The following EPB41L1 variants were observed in gnomAD, a reference collection of about 807,000 sequenced individuals.
EPB41L1 encodes the protein erythrocyte membrane protein band 4.1 like 1.
A neutral mutation model predicts 97.8 loss-of-function variants in EPB41L1; 29 were observed. That is an observed-to-expected ratio of 0.30 (90% CI 0.22 to 0.40). The LOEUF (loss-of-function observed/expected upper bound fraction) is 0.40. Ranked by LOEUF, EPB41L1 falls within the 10% of genes least tolerant of loss-of-function variation. The pLI is 1.00. For synonymous variants in EPB41L1, 383 were observed against 459.2 expected, an observed-to-expected ratio of 0.83 and a Z score of 2.12; for missense variants, 812 against 1,162.3, an observed-to-expected ratio of 0.70 and a Z score of 4.38.
intron 1 of EPB41L1, among the ~76,000 whole-genome samples, chr20:36,170,222 A>G (rs1241221144): frequency 2.0e-5 from 3 of 152,178 alleles, no homozygotes; most frequent in Non-Finnish European, 2.9e-5. Context: ...TCATACTGCC[A>G]TACCAAGCCA....
intron 3 of EPB41L1, among the ~76,000 whole-genome samples, chr20:36,177,060 G>A (rs929788492): frequency 3.3e-5 from 5 of 152,138 alleles, no homozygotes; most frequent in Non-Finnish European, 7.4e-5. Context: ...TCCTAGAAGT[G>A]CACAAAGCAT....
intron 2 of EPB41L1, among the ~76,000 whole-genome samples, chr20:36,138,922 C>T (rs893077019): frequency 1.3e-5 from 2 of 151,988 alleles, no homozygotes; most frequent in African/African-American, 4.8e-5. Context: ...TTCACTCTCT[C>T]TGGAAACTTT....
At chr20:36,144,615 G>A (rs941564028) in intron 2 of EPB41L1, among the ~76,000 whole-genome samples, 2 of 152,198 alleles carry the variant, frequency 1.3e-5, no homozygotes, top group African/African-American at 4.8e-5. Flanking sequence ...TGTGGGAAAG[G>A]AACTGACCCT....
chr20:36,129,769 A>T (rs1223516515), intron 2 of EPB41L1, among the ~76,000 whole-genome samples: 1 of 152,006 alleles, frequency 6.6e-6, no homozygotes, highest in Non-Finnish European at 1.5e-5. Flanking sequence ...TTATTCATTT[A>T]TTTTAAAAAT....
intron 8 of EPB41L1, 140 bp downstream of exon 8, chr20:36,187,903 A>G: frequency 2.6e-6 from 2 of 755,766 alleles, no homozygotes; most frequent in Non-Finnish European, 2.3e-6. Context: ...TCATTTCTCG[A>G]AGTTCCATAA....
chr20:36,109,247 G>A (rs2058309016), intron 1 of EPB41L1, among the ~76,000 whole-genome samples: 2 of 152,038 alleles, frequency 1.3e-5, no homozygotes, highest in Non-Finnish European at 2.9e-5. Context: ...GCACCCGGCC[G>A]AGTTCAGGGC....
Position 36,144,100 on chromosome 20 carries a change from G to A in EPB41L1, c.-9-31451G>A, listed in dbSNP as rs1305883195. Among the ~76,000 whole-genome samples, 7 of 152,178 alleles carry A rather than the reference G, an allele frequency of 4.6e-5. No individual in the cohort carries two copies. The East Asian group carries it at 5.8e-4, about 13-fold the overall frequency. On this transcript the variant is annotated intron_variant, in intron 2 of 19. Coordinates refer to the EPB41L1 transcript ENST00000202028. ...ACTCCTGACCTCAGGTGATCTGCCCGCCTCGGCCTCCCAGAGTGTAAGAAT... is the reference window on the plus strand; with the variant it reads ...ACTCCTGACCTCAGGTGATCTGCCCACCTCGGCCTCCCAGAGTGTAAGAAT...
At chr20:36,120,720 A>T (rs2058724508) in intron 2 of EPB41L1, among the ~76,000 whole-genome samples, 1 of 152,070 alleles carries the variant, frequency 6.6e-6, no homozygotes, top group African/African-American at 2.4e-5. Flanking sequence ...TTTTATTAAA[A>T]ACTCCAATTT....
intron 2 of EPB41L1, among the ~76,000 whole-genome samples, chr20:36,127,602 CTG>C (rs2059023484): frequency 6.6e-6 from 1 of 152,172 alleles, no homozygotes; most frequent in South Asian, 2.1e-4. Context: ...ATCAGGAAAA[CTG>C]TATACCAATC....
At chr20:36,133,014 AG>A (rs1468717107) in intron 2 of EPB41L1, among the ~76,000 whole-genome samples, 4 of 152,256 alleles carry the variant, frequency 2.6e-5, no homozygotes, top group Non-Finnish European at 5.9e-5. Context: ...CTCTTGAAAA[AG>A]GTCCTTTCTG....
chr20:36,149,265 T>C (rs1052231069), intron 2 of EPB41L1, among the ~76,000 whole-genome samples: 1 of 152,122 alleles, frequency 6.6e-6, no homozygotes, highest in African/African-American at 2.4e-5. Context: ...TTGCCAGAGG[T>C]GAACATTGCC....
rs1181183790 is a variant in EPB41L1 at position 36,185,144 on chromosome 20, A to G, written c.594A>G (p.Ala198=). The G allele has an allele frequency of 6.2e-7, 1 of 1,612,654 alleles. No homozygotes were observed. The highest frequency in any genetic ancestry group is 1.1e-5 in the South Asian group (1 of 91,016). Residue 198 remains alanine (A), a synonymous_variant, in exon 7 of 22, where the codon GCA becomes GCG. Coordinates refer to ENST00000338074, the MANE Select transcript of EPB41L1 (RefSeq NM_012156.2). ...TRYYLCLQLR[A]DIITGRLPCS... ...ACTACCTGTGCCTGCAGCTGCGGGC[A>G]GACATCATCACGGGCCGGCTGCCAT...
In EPB41L1 at chr20:36,173,823, G is replaced by T; in HGVS notation, c.46G>T (p.Glu16Ter). 1.9e-6 allele frequency: 3 copies of T among 1,614,122 alleles called. No individual in the cohort carries two copies. Among genetic ancestry groups the T allele is most frequent in the Non-Finnish European group, 2.5e-6 (3 of 1,180,006 alleles). The change falls in exon 2 of 22, where the codon GAG becomes TAG. Residue 16 changes from glutamate to a stop codon, truncating the protein, a stop_gained. Coordinates refer to ENST00000338074, the MANE Select transcript of EPB41L1 (RefSeq NM_012156.2). LOFTEE classifies it high-confidence loss of function. ...GPDSEVKKAQEEAPQQPEAAA... is the reference protein window; with the variant it reads ...GPDSEVKKAQ ...CGACTCTGAGGTGAAGAAAGCTCAG[G>T]AGGAGGCCCCGCAGCAGCCCGAGGC...
chr20:36,125,347 C>G, intron 2 of EPB41L1: 1 of 681,760 alleles, frequency 1.5e-6, no homozygotes, highest in Non-Finnish European at 2.7e-6. Flanking sequence ...TCTATTTGAG[C>G]CCCTCCCCTT....
In EPB41L1 at chr20:36,212,426, T is replaced by G. The variant is rs771207019; in HGVS notation, c.2184+50T>G. On this transcript the variant is annotated intron_variant, in intron 16 of 21. Transcript: ENST00000338074. This position sits in a 1 kb window ranked among gnomAD's most constrained non-coding sequence, Gnocchi z 4.8. ...CTAAGCATGGGTATTGGGCATTTGG[T>G]GGTAGGGTCCCCACTGCTGTGGCCA... The G allele has an allele frequency of 1.3e-6, 2 of 1,535,548 alleles. No individual in the cohort carries two copies. The highest frequency in any genetic ancestry group is 9.0e-7 in the Non-Finnish European group (1 of 1,110,068).
chr20:36,213,151 A>G (rs1166774356), intron 16 of EPB41L1, among the ~76,000 whole-genome samples: 2 of 152,168 alleles, frequency 1.3e-5, no homozygotes, highest in African/African-American at 4.8e-5. Context: ...TAATCCCAGC[A>G]CTTTGTGAGG....
intron 14 of EPB41L1, among the ~76,000 whole-genome samples, chr20:36,205,691 G>A (rs566132483): frequency 4.5e-4 from 68 of 152,240 alleles, no homozygotes; most frequent in African/African-American, 1.1e-3. Context: ...TGGCTGGCAC[G>A]TCATGCCTTC....
In EPB41L1 at chr20:36,175,569, A is replaced by G; in HGVS notation, c.196A>G (p.Lys66Glu). 3 of 1,614,172 alleles carry G rather than the reference A, an allele frequency of 1.9e-6. No homozygotes were observed. The highest frequency in any genetic ancestry group is 2.5e-6 in the Non-Finnish European group (3 of 1,180,036). ...PAEQSLDMEEKDYSEADGLSE... is the reference protein window; with the variant it reads ...PAEQSLDMEEEDYSEADGLSE... ...CCTGCAGAGCCTAGACATGGAGGAG[A>G]AGGACTACAGTGAGGCCGATGGCCT... The change falls in exon 3 of 22, where the codon AAG (lysine) becomes GAG (glutamate). Residue 66 changes from lysine to glutamate, a missense_variant. This residue lies in a region of EPB41L1 where 84 missense variants were observed against 94.3 expected (regional missense o/e 0.89). Coordinates refer to ENST00000338074, the MANE Select transcript of EPB41L1 (RefSeq NM_012156.2).
At chr20:36,196,501 A>G (rs1325184753) in intron 13 of EPB41L1, among the ~76,000 whole-genome samples, 10 of 152,358 alleles carry the variant, frequency 6.6e-5, no homozygotes, top group African/African-American at 1.4e-4. Context: ...GCCATGGTCC[A>G]GAGGGCAGCT....
Sources: allele counts gnomAD v4.1 joint callset (sites outside exome capture counted in the v4.1 genomes callset), GRCh38; gene constraint gnomAD v4.1.1; regional missense constraint gnomAD v4.1.1; non-coding constraint Gnocchi (gnomAD v3.1); transcripts MANE v1.5; gene names NCBI Gene and HGNC (gene_info 2026-07-23, HGNC 2026-07-21).